Variants in DLC1 observed in about 807,000 individuals in gnomAD.
DLC1 encodes DLC1 Rho GTPase activating protein.
A neutral mutation model predicts 140.3 loss-of-function variants in DLC1; 54 were observed. The observed-to-expected ratio is 0.38, with a 90% CI of 0.31 to 0.48. DLC1 has a LOEUF of 0.48. DLC1 is among the 20% of genes least tolerant of loss of function. The probability of loss-of-function intolerance (pLI) is 0.96; values close to 1 mark genes in which losing one functional copy is unlikely to be tolerated. For missense variants in DLC1, 2,536 were observed against 1,907.0 expected (o/e 1.33, Z -6.14); for synonymous variants, 986 against 728.1 (o/e 1.35, Z -5.70).
At chr8:13,456,751 GC>G (rs1188743694) in intron 2 of DLC1, among the ~76,000 whole-genome samples, 1 of 152,160 alleles carries the variant, frequency 6.6e-6, no homozygotes, top group African/African-American at 2.4e-5. Context: ...GAGCCACCGT[GC>G]CCCCCTCCAT....
intron 6 of DLC1, among the ~76,000 whole-genome samples, chr8:13,112,776 G>C (rs1448510005): frequency 6.6e-6 from 1 of 152,044 alleles, no homozygotes; most frequent in African/African-American, 2.4e-5. Context: ...TGAACTCCTG[G>C]CCTCAAGTCA....
chr8:13,320,504 G>A (rs1014061730), intron 4 of DLC1, among the ~76,000 whole-genome samples: 3 of 152,100 alleles, frequency 2.0e-5, no homozygotes, highest in African/African-American at 7.2e-5. Context: ...TTATAATAGA[G>A]CAGGGTCTCA....
chr8:13,532,697 C>A (rs1259989136), intron 1 of DLC1, among the ~76,000 whole-genome samples: 1 of 152,176 alleles, frequency 6.6e-6, no homozygotes, highest in African/African-American at 2.4e-5. Context: ...CTCAAGTAAC[C>A]TCCCACTTCG....
In DLC1 at chr8:13,217,325, A is replaced by G. The variant is rs1187567568; in HGVS notation, c.1348+87944T>C. On this transcript the variant is annotated intron_variant, in intron 5 of 17. Coordinates refer to ENST00000276297, the MANE Select transcript of DLC1 (RefSeq NM_182643.3). ...AATCTAATGTATAAAATATCATTTT[A>G]CAACGTTATTAATATCAACAATTCA... Among the ~76,000 whole-genome samples, 5 of 152,198 alleles carry G rather than the reference A, an allele frequency of 3.3e-5. No individual in the cohort carries two copies. In the South Asian group the frequency reaches 8.3e-4, roughly 25 times the overall value.
chr8:13,181,232 G>T (rs988149355), intron 5 of DLC1, among the ~76,000 whole-genome samples: 1 of 151,474 alleles, frequency 6.6e-6, no homozygotes, highest in African/African-American at 2.4e-5. Context: ...TACTTGGAAA[G>T]CTCTTCCCCC....
At chr8:13,391,971 T>G (rs1241790104) in intron 4 of DLC1, among the ~76,000 whole-genome samples, 2 of 152,168 alleles carry the variant, frequency 1.3e-5, no homozygotes, top group African/African-American at 4.8e-5. Context: ...GAAGGTTTTT[T>G]AAGAAAAACA....
At chr8:13,467,457 T>TTA (rs1418858415) in intron 2 of DLC1, among the ~76,000 whole-genome samples, 1 of 151,488 alleles carries the variant, frequency 6.6e-6, no homozygotes, top group Non-Finnish European at 1.5e-5. Flanking sequence ...ATATTCCTTT[T>TTA]TTTTTCTTTT....
intron 1 of DLC1, among the ~76,000 whole-genome samples, chr8:13,527,072 G>T (rs780387263): frequency 6.6e-6 from 1 of 152,164 alleles, no homozygotes; most frequent in Non-Finnish European, 1.5e-5. Flanking sequence ...CTACATAGGT[G>T]ATCATATTGT....
At chr8:13,318,840 C>T (rs1317555595) in intron 4 of DLC1, among the ~76,000 whole-genome samples, 2 of 152,202 alleles carry the variant, frequency 1.3e-5, no homozygotes, top group Non-Finnish European at 2.9e-5. Flanking sequence ...CCTTTGCTAG[C>T]TAAGAGTGCA....
At chr8:13,447,986 A>G (rs1017062043) in intron 2 of DLC1, among the ~76,000 whole-genome samples, 2 of 152,236 alleles carry the variant, frequency 1.3e-5, no homozygotes, top group Non-Finnish European at 2.9e-5. Flanking sequence ...ATCTGTCCAC[A>G]GTACAACAAA....
intron 4 of DLC1, among the ~76,000 whole-genome samples, chr8:13,372,195 G>C (rs1835762166): frequency 6.6e-6 from 1 of 151,972 alleles, no homozygotes; most frequent in African/African-American, 2.4e-5. Context: ...AAAACTAAAT[G>C]TCTGGAAAAA....
intron 5 of DLC1, among the ~76,000 whole-genome samples, chr8:13,176,578 C>G (rs1007426253): frequency 6.6e-6 from 1 of 152,074 alleles, no homozygotes; most frequent in African/African-American, 2.4e-5. Context: ...GACTCCATCT[C>G]AAACAAACAA....
At chr8:13,170,745 A>AAAC in intron 5 of DLC1, among the ~76,000 whole-genome samples, 1 of 151,960 alleles carries the variant, frequency 6.6e-6, no homozygotes, top group Admixed American at 6.6e-5. Flanking sequence ...AAAAAAAAAA[A>AAAC]AAAAAGTTTC....
At chr8:13,432,255 A>G (rs921546906) in intron 2 of DLC1, among the ~76,000 whole-genome samples, 3 of 152,214 alleles carry the variant, frequency 2.0e-5, no homozygotes, top group Non-Finnish European at 4.4e-5. Context: ...TATTTATTGC[A>G]TGTCCTTGAC....
intron 2 of DLC1, among the ~76,000 whole-genome samples, chr8:13,410,101 C>A (rs746489862): frequency 1.3e-5 from 2 of 151,866 alleles, no homozygotes; most frequent in African/African-American, 4.8e-5. Context: ...AAAAATACGA[C>A]AAGTAAATAT....
intron 5 of DLC1, among the ~76,000 whole-genome samples, chr8:13,283,473 TAG>T (rs1441504683): frequency 1.3e-5 from 2 of 152,346 alleles, no homozygotes; most frequent in Admixed American, 6.5e-5. Flanking sequence ...GGCCACAGAA[TAG>T]AGAGAGGAAA....
intron 5 of DLC1, among the ~76,000 whole-genome samples, chr8:13,189,059 T>C (rs1826589692): frequency 6.6e-6 from 1 of 151,726 alleles, no homozygotes; most frequent in Admixed American, 6.6e-5. Flanking sequence ...CAAAAGTCTT[T>C]AGTATGTGTT....
chr8:13,511,758 C>A (rs569724086), intron 1 of DLC1, among the ~76,000 whole-genome samples: 1 of 152,158 alleles, frequency 6.6e-6, no homozygotes, highest in African/African-American at 2.4e-5. Context: ...TAATAAAATC[C>A]CTGATCTAGA....
intron 5 of DLC1, among the ~76,000 whole-genome samples, chr8:13,156,574 C>T (rs528410679): frequency 6.6e-6 from 1 of 152,328 alleles, no homozygotes; most frequent in South Asian, 2.1e-4. Context: ...TGCGCATGCA[C>T]ACACTTCCCA....
Sources: gnomAD v4.1 joint callset for allele counts (sites outside exome capture counted in the v4.1 genomes callset) on GRCh38, gnomAD v4.1.1 for gene constraint, MANE v1.5 for transcripts, NCBI Gene and HGNC (gene_info 2026-07-23, HGNC 2026-07-21) for gene names.